The following CACNA2D1 variants were observed in gnomAD, a reference collection of about 807,000 sequenced individuals.
The protein encoded by CACNA2D1 is calcium voltage-gated channel auxiliary subunit alpha2delta 1.
Under a neutral mutation model 171.5 loss-of-function variants are expected in CACNA2D1, and 53 were observed. The ratio of observed to expected loss-of-function variants is 0.31; its 90% CI spans 0.25 to 0.39. CACNA2D1 has a LOEUF of 0.39. CACNA2D1 is among the 10% of genes least tolerant of loss of function. The pLI, the probability that CACNA2D1 is intolerant of heterozygous loss-of-function variation, is 1.00. For missense variants in CACNA2D1, 903 were observed against 1,299.8 expected (o/e 0.69, Z 4.69); for synonymous variants, 442 against 443.1 (o/e 1.00, Z 0.03).
At chr7:82,413,159 G>A (rs191340051) in intron 1 of CACNA2D1, among the ~76,000 whole-genome samples, 4 of 152,186 alleles carry the variant, frequency 2.6e-5, no homozygotes, top group African/African-American at 4.8e-5. Context: ...CAAGTAGTTC[G>A]TAATTGAACA....
At chr7:82,215,828 G>T (rs1406575462) in intron 3 of CACNA2D1, among the ~76,000 whole-genome samples, 3 of 152,004 alleles carry the variant, frequency 2.0e-5, no homozygotes. Flanking sequence ...TTACCCAAAA[G>T]AATGTTTTTC....
At chr7:82,344,151 T>A (rs1818990831) in intron 2 of CACNA2D1, among the ~76,000 whole-genome samples, 1 of 152,236 alleles carries the variant, frequency 6.6e-6, no homozygotes. Context: ...AAAGCCTCAT[T>A]GGCCTCTATG....
Position 82,049,091 on chromosome 7 carries a change from T to C in CACNA2D1, c.880-10856A>G, listed in dbSNP as rs146993662. Among the ~76,000 whole-genome samples the C allele has an allele frequency of 1.4e-3, 216 of 150,292 alleles. 2 individuals carry two copies. Among genetic ancestry groups the C allele is most frequent in the African/African-American group, 5.1e-3 (207 of 40,872 alleles). The stretch of plus-strand genomic sequence containing the variant: ...CACCTTCTTATAAACTCTCTTTATA[T>C]TTCCAAAGCAATTAAGTTATCTTCT... On this transcript the variant is annotated intron_variant, in intron 10 of 38. Transcript: ENST00000356860.
At chr7:82,078,872 G>A (rs62462551) in intron 7 of CACNA2D1, among the ~76,000 whole-genome samples, 49,282 of 150,276 alleles carry the variant, frequency 0.33, 9,540 homozygotes, top group Non-Finnish European at 0.43. Flanking sequence ...AGAAGGAGAG[G>A]AGAAAGAGGA....
At chr7:82,026,681 G>T (rs1401924324) in intron 12 of CACNA2D1, among the ~76,000 whole-genome samples, 1 of 151,656 alleles carries the variant, frequency 6.6e-6, no homozygotes, top group Non-Finnish European at 1.5e-5. Flanking sequence ...CTCACACAGG[G>T]TGGGTGTGTG....
chr7:82,182,561 CG>C (rs759684764), intron 3 of CACNA2D1, among the ~76,000 whole-genome samples: 284 of 147,490 alleles, frequency 1.9e-3, no homozygotes, highest in African/African-American at 5.9e-3. Flanking sequence ...CTTTTTTCTG[CG>C]TTTTTTTTTT....
chr7:82,227,604 G>C (rs1563227837), intron 3 of CACNA2D1, among the ~76,000 whole-genome samples: 1 of 152,120 alleles, frequency 6.6e-6, no homozygotes, highest in Non-Finnish European at 1.5e-5. Flanking sequence ...CTTAATAATT[G>C]CTTGATAGCA....
intron 3 of CACNA2D1, among the ~76,000 whole-genome samples, chr7:82,289,484 T>G (rs1811255974): frequency 6.6e-6 from 1 of 152,188 alleles, no homozygotes; most frequent in Non-Finnish European, 1.5e-5. Flanking sequence ...GGACTAGAAT[T>G]GAACACAGTA....
At chr7:82,441,742 A>T (rs1830519088) in intron 1 of CACNA2D1, among the ~76,000 whole-genome samples, 1 of 152,212 alleles carries the variant, frequency 6.6e-6, no homozygotes, top group Non-Finnish European at 1.5e-5. Context: ...ACAACACTGT[A>T]AAAATGAGTA....
chr7:82,127,287 A>G (rs1440626595), intron 5 of CACNA2D1, among the ~76,000 whole-genome samples: 1 of 152,220 alleles, frequency 6.6e-6, no homozygotes, highest in Non-Finnish European at 1.5e-5. Context: ...TTAAACATTA[A>G]TTCAAATATC....
intron 3 of CACNA2D1, among the ~76,000 whole-genome samples, chr7:82,187,471 A>G (rs927346937): frequency 2.0e-5 from 3 of 152,198 alleles, no homozygotes; most frequent in Non-Finnish European, 4.4e-5. Flanking sequence ...TACTCCAGCA[A>G]CATCTGTAGA....
intron 18 of CACNA2D1, 128 bp downstream of exon 18, chr7:82,005,295 G>A: frequency 1.4e-6 from 1 of 690,224 alleles, no homozygotes; most frequent in Non-Finnish European, 2.6e-6. Flanking sequence ...TCTAAGAAGA[G>A]AGACGCATTA....
intron 7 of CACNA2D1, among the ~76,000 whole-genome samples, chr7:82,067,821 T>C (rs2128987510): frequency 6.6e-6 from 1 of 152,198 alleles, no homozygotes; most frequent in East Asian, 1.9e-4. Flanking sequence ...TATCTGACTC[T>C]CCAAGATAGG....
intron 12 of CACNA2D1, among the ~76,000 whole-genome samples, chr7:82,019,667 A>G (rs1360240056): frequency 6.6e-6 from 1 of 152,186 alleles, no homozygotes; most frequent in Non-Finnish European, 1.5e-5. Flanking sequence ...CCACAGGGTC[A>G]ACCTATTTTA....
chr7:82,221,329 G>T (rs998990275), intron 3 of CACNA2D1, among the ~76,000 whole-genome samples: 11 of 152,074 alleles, frequency 7.2e-5, no homozygotes, highest in African/African-American at 2.2e-4. Context: ...AAACACTCTT[G>T]CATTATACAC....
chr7:81,965,551 C>T (rs760781183), intron 32 of CACNA2D1, 43 bp downstream of exon 32: 1 of 1,007,166 alleles, frequency 9.9e-7, no homozygotes, highest in East Asian at 2.4e-5. Context: ...ATCCGGGAAA[C>T]ACACTTTGGA....
intron 5 of CACNA2D1, among the ~76,000 whole-genome samples, chr7:82,119,027 A>T (rs547176750): frequency 6.6e-6 from 1 of 152,070 alleles, no homozygotes; most frequent in African/African-American, 2.4e-5. Context: ...GTATATTTTT[A>T]ATTGAAATAC....
chr7:82,155,996 T>G (rs994514966), intron 4 of CACNA2D1, among the ~76,000 whole-genome samples: 2 of 152,154 alleles, frequency 1.3e-5, no homozygotes, highest in South Asian at 4.1e-4. Context: ...TCTCACCTAA[T>G]TCTTGTAACA....
chr7:82,079,815 A>C (rs1563013401), intron 7 of CACNA2D1, among the ~76,000 whole-genome samples: 1 of 152,044 alleles, frequency 6.6e-6, no homozygotes, highest in Non-Finnish European at 1.5e-5. Flanking sequence ...GCATAATTAC[A>C]GTTAGAGAGG....
Sources: gnomAD v4.1 joint callset for allele counts (sites outside exome capture counted in the v4.1 genomes callset) on GRCh38, gnomAD v4.1.1 for gene constraint, MANE v1.5 for transcripts, NCBI Gene and HGNC (gene_info 2026-07-23, HGNC 2026-07-21) for gene names.